Variants in AGMO observed in about 807,000 individuals in gnomAD.
The protein encoded by AGMO is alkylglycerol monooxygenase.
Under a neutral mutation model 60.2 loss-of-function variants are expected in AGMO, and 75 were observed. The ratio of observed to expected loss-of-function variants is 1.25; its 90% confidence interval spans 1.03 to 1.51. The LOEUF (loss-of-function observed/expected upper bound fraction) is 1.51, where lower values mean the gene tolerates loss of function less well. Ranked by LOEUF, AGMO falls within the 40% of genes most tolerant of loss-of-function variation. The probability of loss-of-function intolerance (pLI) is 0.00; values close to 1 mark genes in which losing one functional copy is unlikely to be tolerated. For synonymous variants in AGMO, 261 were observed against 177.1 expected (o/e 1.47, Z -3.76); for missense variants, 763 against 525.5 (o/e 1.45, Z -4.42).
At chr7:15,125,371 C>T in the AGMO span, among the ~76,000 whole-genome samples, 2 of 152,164 alleles carry the variant, frequency 1.3e-5, no homozygotes, top group East Asian at 3.9e-4. Context: ...GCTAGAAGTG[C>T]AGTGGAGGTA....
intron 12 of AGMO, among the ~76,000 whole-genome samples, chr7:15,308,761 A>G (rs1327162557): frequency 1.3e-5 from 2 of 152,194 alleles, no homozygotes; most frequent in African/African-American, 4.8e-5. Flanking sequence ...GTTATGTTTT[A>G]TAATTCTCAA....
intron 3 of AGMO, among the ~76,000 whole-genome samples, chr7:15,451,050 C>T (rs1781843479): frequency 7.9e-6 from 1 of 127,360 alleles, no homozygotes; most frequent in African/African-American, 2.9e-5. Flanking sequence ...CCTATTGTCA[C>T]ATTTTATTAT....
At chr7:15,425,610 T>C (rs1022999289) in intron 4 of AGMO, among the ~76,000 whole-genome samples, 1 of 151,990 alleles carries the variant, frequency 6.6e-6, no homozygotes, top group Non-Finnish European at 1.5e-5. Flanking sequence ...GACTAATTTA[T>C]TTTATTTTTT....
intron 12 of AGMO, among the ~76,000 whole-genome samples, chr7:15,313,631 G>A (rs1780830823): frequency 6.6e-6 from 1 of 152,052 alleles, no homozygotes; most frequent in Non-Finnish European, 1.5e-5. Context: ...AGGAGATAGA[G>A]TAAACTCATA....
chr7:15,185,147 A>T, the AGMO span, among the ~76,000 whole-genome samples: 1 of 152,172 alleles, frequency 6.6e-6, no homozygotes, highest in Non-Finnish European at 1.5e-5. Context: ...ACATTCTAAT[A>T]CGGCCTACTT....
At chr7:15,212,676 T>C (rs1463664204) in intron 12 of AGMO, among the ~76,000 whole-genome samples, 3 of 151,954 alleles carry the variant, frequency 2.0e-5, no homozygotes, top group Non-Finnish European at 2.9e-5. Flanking sequence ...AAGCGATGAA[T>C]CATCTTCATC....
intron 12 of AGMO, among the ~76,000 whole-genome samples, chr7:15,270,635 T>TTTTTTTTTTTTTTTG (rs1563063233): frequency 8.6e-6 from 1 of 116,300 alleles, no homozygotes; most frequent in African/African-American, 3.4e-5. Flanking sequence ...TTTTTTTTTT[T>TTTTTTTTTTTTTTTG]TTGCTGTGCA....
chr7:15,279,901 G>T (rs1218881482), intron 12 of AGMO, among the ~76,000 whole-genome samples: 3 of 152,202 alleles, frequency 2.0e-5, no homozygotes, highest in Non-Finnish European at 2.9e-5. Context: ...AGCCTTGTGT[G>T]CATTTTCAAT....
chr7:15,365,776 A>C (rs953198056), intron 11 of AGMO, among the ~76,000 whole-genome samples, 157 bp from the exon 12 acceptor site: 1 of 152,090 alleles, frequency 6.6e-6, no homozygotes, highest in African/African-American at 2.4e-5. Flanking sequence ...ACAGTGATTA[A>C]GAAAGAACAC....
intron 12 of AGMO, among the ~76,000 whole-genome samples, chr7:15,317,887 GTATA>G (rs149973646): frequency 7.2e-5 from 9 of 124,826 alleles, no homozygotes; most frequent in Admixed American, 2.5e-4. Context: ...ATATACACAC[GTATA>G]TATATACACA....
At chr7:15,496,319 G>A (rs914649461) in intron 3 of AGMO, among the ~76,000 whole-genome samples, 1 of 152,116 alleles carries the variant, frequency 6.6e-6, no homozygotes, top group Non-Finnish European at 1.5e-5. Context: ...GTGCATCAGG[G>A]TTATAAAGAG....
rs188067024 is a variant in AGMO at position 15,385,979 on chromosome 7, G to A, written c.958-417C>T. On this transcript the variant is annotated intron_variant, in intron 9 of 12. Transcript: ENST00000342526. ...GCGGATCATTTGAGGTCAAGAGTTC[G>A]TGACCAGCCTGGCCAACATGGTGAA... 2.5e-3 allele frequency among the ~76,000 whole-genome samples: 377 copies of A among 152,156 alleles called. 1 individual carries two copies. The highest frequency in any genetic ancestry group is 8.3e-3 in the African/African-American group (346 of 41,522).
chr7:15,271,477 T>C (rs1426985010), intron 12 of AGMO, among the ~76,000 whole-genome samples: 1 of 152,172 alleles, frequency 6.6e-6, no homozygotes, highest in Non-Finnish European at 1.5e-5. Flanking sequence ...TGATCATTAT[T>C]GATGTATAGC....
chr7:15,247,459 CAGAG>C (rs35939832), intron 12 of AGMO, among the ~76,000 whole-genome samples: 12 of 115,282 alleles, frequency 1.0e-4, no homozygotes, highest in East Asian at 2.6e-4. Context: ...CACACACACA[CAGAG>C]AGAGAGAGAG....
chr7:15,289,613 A>G (rs1212652591), intron 12 of AGMO, among the ~76,000 whole-genome samples: 1 of 152,024 alleles, frequency 6.6e-6, no homozygotes, highest in Non-Finnish European at 1.5e-5. Context: ...ATATTTTTTA[A>G]TAATAGATAT....
At chr7:15,289,811 C>T (rs1784205413) in intron 12 of AGMO, among the ~76,000 whole-genome samples, 1 of 151,898 alleles carries the variant, frequency 6.6e-6, no homozygotes, top group Non-Finnish European at 1.5e-5. Flanking sequence ...TAATTACATT[C>T]ATTATAGTAA....
chr7:15,491,154 T>G (rs1014788413), intron 3 of AGMO, among the ~76,000 whole-genome samples: 1 of 152,220 alleles, frequency 6.6e-6, no homozygotes, highest in African/African-American at 2.4e-5. Flanking sequence ...AATACTGTTA[T>G]GTGCAGGCCC....
chr7:15,388,069 G>A (rs914231454), intron 8 of AGMO, among the ~76,000 whole-genome samples: 1 of 151,976 alleles, frequency 6.6e-6, no homozygotes, highest in African/African-American at 2.4e-5. Context: ...CACCATGCCA[G>A]GCTAATTTTT....
At chr7:15,347,785 G>A (rs1167537532) in intron 12 of AGMO, among the ~76,000 whole-genome samples, 1 of 151,978 alleles carries the variant, frequency 6.6e-6, no homozygotes, top group East Asian at 1.9e-4. Context: ...GTTGTATTTA[G>A]CTTATGACTC....
Sources: gnomAD v4.1 joint callset for allele counts (sites outside exome capture counted in the v4.1 genomes callset) on GRCh38, gnomAD v4.1.1 for gene constraint, MANE v1.5 for transcripts, NCBI Gene and HGNC (gene_info 2026-07-23, HGNC 2026-07-21) for gene names.